The following PTPRT variants were observed in gnomAD, a reference collection of about 807,000 sequenced individuals.
PTPRT encodes receptor-type tyrosine-protein phosphatase T.
Under a neutral mutation model 176.8 loss-of-function variants are expected in PTPRT, and 56 were observed. The observed-to-expected ratio is 0.32, with a 90% CI of 0.26 to 0.40. PTPRT has a LOEUF of 0.40. Ranked by LOEUF, PTPRT falls within the 10% of genes least tolerant of loss-of-function variation. The pLI is 1.00. For missense variants in PTPRT, 1,540 were observed against 1,908.2 expected (o/e 0.81, Z 3.60); for synonymous variants, 783 against 739.0 (o/e 1.06, Z -0.96).
At chr20:42,426,210 C>A (rs1413904820) in intron 9 of PTPRT, among the ~76,000 whole-genome samples, 2 of 152,018 alleles carry the variant, frequency 1.3e-5, no homozygotes, top group Non-Finnish European at 2.9e-5. Flanking sequence ...TTTTGGCTCA[C>A]CACACTCCCC....
chr20:42,394,196 G>A (rs1258547313), intron 9 of PTPRT, among the ~76,000 whole-genome samples: 1 of 152,024 alleles, frequency 6.6e-6, no homozygotes, highest in Non-Finnish European at 1.5e-5. Flanking sequence ...TGATTTGCGT[G>A]GTATTTACTC....
In PTPRT at chr20:43,056,876, CA is replaced by C. The variant is rs200243613; in HGVS notation, c.88+132769del. ...CCCAAGTAAAGGCTAGTCTTGAAAA[CA>C]AAGTATTTTTGCAAAGGAAATTTTT... is the stretch of plus-strand genomic sequence containing the variant. On this transcript the variant is annotated intron_variant, in intron 1 of 30. Coordinates refer to ENST00000373187, the MANE Select transcript of PTPRT (RefSeq NM_007050.6). 3.3e-3 allele frequency among the ~76,000 whole-genome samples: 505 copies of C among 152,200 alleles called. 2 individuals carry two copies. The highest frequency in any genetic ancestry group is 0.012 in the African/African-American group (485 of 41,546).
At chr20:42,055,632 A>T in the PTPRT span, among the ~76,000 whole-genome samples, 1 of 152,056 alleles carries the variant, frequency 6.6e-6, no homozygotes, top group Non-Finnish European at 1.5e-5. Flanking sequence ...ACACTGACAC[A>T]CTCTTATTTC....
intron 1 of PTPRT, among the ~76,000 whole-genome samples, chr20:43,156,037 A>G (rs1482493930): frequency 6.6e-6 from 1 of 152,192 alleles, no homozygotes; most frequent in African/African-American, 2.4e-5. Flanking sequence ...GCATTTTTAC[A>G]CACTATTCAC....
chr20:42,570,727 G>C (rs1291437775), intron 7 of PTPRT, among the ~76,000 whole-genome samples: 1 of 152,118 alleles, frequency 6.6e-6, no homozygotes, highest in Non-Finnish European at 1.5e-5. Context: ...GAAGAGGAGA[G>C]AGAAGATTTC....
At chr20:43,041,826 G>A (rs1408157908) in intron 1 of PTPRT, among the ~76,000 whole-genome samples, 1 of 152,200 alleles carries the variant, frequency 6.6e-6, no homozygotes, top group African/African-American at 2.4e-5. Context: ...ATTATCAATG[G>A]CTGCTTTCAT....
chr20:42,790,283 T>C (rs1030471953), intron 3 of PTPRT, among the ~76,000 whole-genome samples: 1 of 152,004 alleles, frequency 6.6e-6, no homozygotes, highest in African/African-American at 2.4e-5. Flanking sequence ...GGAGAAATGT[T>C]CCTCTAAGCA....
At chr20:42,703,707 C>G (rs931055181) in intron 6 of PTPRT, among the ~76,000 whole-genome samples, 1 of 152,172 alleles carries the variant, frequency 6.6e-6, no homozygotes. Flanking sequence ...AGGAACTTAT[C>G]CAAGGCCATA....
rs528734054 is a variant in PTPRT at position 42,435,868 on chromosome 20, G to T, written c.1560+12352C>A. On this transcript the variant is annotated intron_variant, in intron 9 of 30. Transcript: ENST00000373187. ...AGGAATCTTCTCTACCAGAGATCAG[G>T]ACACTGTGAAGCTGTAATAAATATG... is the stretch of plus-strand genomic sequence containing the variant. Among the ~76,000 whole-genome samples the T allele has an allele frequency of 4.1e-4, 62 of 152,224 alleles. 1 individual carries two copies. Among genetic ancestry groups the T allele is most frequent in the African/African-American group, 1.5e-3 (61 of 41,546 alleles).
rs546779708 is a variant in PTPRT, at chr20:42,199,739, C to G, written c.2343-351G>C. ...CAGAGGGAGGAAGTGGCTAGACTGG[C>G]CTTTCTGTTTCTGTGGCTCTGAATG... On this transcript the variant is annotated intron_variant, in intron 15 of 30. Transcript: ENST00000373187. 5.3e-5 allele frequency among the ~76,000 whole-genome samples: 8 copies of G among 152,200 alleles called. No homozygotes were observed. The South Asian group carries it at 1.7e-3, about 32-fold the overall frequency.
intron 11 of PTPRT, among the ~76,000 whole-genome samples, chr20:42,338,384 G>C (rs895421424): frequency 3.3e-5 from 5 of 152,266 alleles, no homozygotes; most frequent in East Asian, 1.9e-4. Flanking sequence ...GAGAACTCCT[G>C]GCTTTGGAAA....
rs142368918 is a variant in PTPRT at position 42,087,055 on chromosome 20, T to C, written c.3847-1202A>G. On this transcript the variant is annotated intron_variant, in intron 27 of 30. Coordinates refer to ENST00000373187, the MANE Select transcript of PTPRT (RefSeq NM_007050.6). ...TGTTTCCCAGAGGGCATCTGGGCAA[T>C]GTCTGAAGACATTTTGATTGTCACA... Among the ~76,000 whole-genome samples, 605 of 151,752 alleles carry C rather than the reference T, an allele frequency of 4.0e-3. 1 individual carries two copies. Among genetic ancestry groups the C allele is most frequent in the African/African-American group, 0.014 (580 of 41,332 alleles).
intron 6 of PTPRT, among the ~76,000 whole-genome samples, chr20:42,733,832 C>A (rs566441318): frequency 3.9e-5 from 6 of 152,186 alleles, no homozygotes; most frequent in Non-Finnish European, 5.9e-5. Flanking sequence ...GGGTCCAGAT[C>A]TGGGGAGAAG....
At position 42,205,023 on chromosome 20, in the gene PTPRT, G is replaced by A. The variant is rs182362991; in HGVS notation, c.2343-5635C>T. ...TAGTTTTAGGGTACATGTGCACAAC[G>A]TGCAGGTTTGTTACATATGTATACA... is the stretch of plus-strand genomic sequence containing the variant. On this transcript the variant is annotated intron_variant, in intron 15 of 30. Coordinates refer to ENST00000373187, the MANE Select transcript of PTPRT (RefSeq NM_007050.6). Among the ~76,000 whole-genome samples the A allele has an allele frequency of 9.0e-4, 118 of 131,428 alleles. 1 individual carries two copies. Among genetic ancestry groups the A allele is most frequent in the African/African-American group, 3.2e-3 (112 of 34,872 alleles). 86.2% of individuals were successfully genotyped at this position (131,428 alleles called of 152,430 possible).
chr20:42,818,067 G>A (rs897077664), intron 2 of PTPRT, among the ~76,000 whole-genome samples: 3 of 152,142 alleles, frequency 2.0e-5, no homozygotes, highest in African/African-American at 7.2e-5. Context: ...CCAACTGGGT[G>A]AGCCCCTCCA....
At chr20:43,075,245 C>T (rs1455983111) in intron 1 of PTPRT, among the ~76,000 whole-genome samples, 1 of 152,264 alleles carries the variant, frequency 6.6e-6, no homozygotes, top group Non-Finnish European at 1.5e-5. Flanking sequence ...TGAAAGAACA[C>T]ACTGAGTTTA....
At chr20:43,138,500 AG>A (rs1441732263) in intron 1 of PTPRT, among the ~76,000 whole-genome samples, 1 of 152,180 alleles carries the variant, frequency 6.6e-6, no homozygotes, top group African/African-American at 2.4e-5. Flanking sequence ...TTTACCCCAC[AG>A]GGTTACTGTG....
chr20:42,395,359 C>T (rs1449307064), intron 9 of PTPRT, among the ~76,000 whole-genome samples: 1 of 152,314 alleles, frequency 6.6e-6, no homozygotes, highest in African/African-American at 2.4e-5. Context: ...TATGCCGCAT[C>T]TAAGACCAAC....
chr20:42,724,732 A>G (rs559844621), intron 6 of PTPRT, among the ~76,000 whole-genome samples: 1 of 152,316 alleles, frequency 6.6e-6, no homozygotes, highest in African/African-American at 2.4e-5. Flanking sequence ...CAGGAGCTCA[A>G]GGCTGCAGTG....
Sources: allele counts gnomAD v4.1 joint callset (sites outside exome capture counted in the v4.1 genomes callset), GRCh38; gene constraint gnomAD v4.1.1; transcripts MANE v1.5; gene names NCBI Gene and HGNC (gene_info 2026-07-23, HGNC 2026-07-21).